CHRM3: variants seen among roughly 807,000 people sequenced by gnomAD.
CHRM3 encodes the protein cholinergic receptor muscarinic 3.
Under a neutral mutation model 41.8 loss-of-function variants are expected in CHRM3, and 11 were observed. That is an observed-to-expected ratio of 0.26 (90% CI 0.17 to 0.44). CHRM3 has a LOEUF of 0.44. Among genes scored for constraint, CHRM3 ranks in the 20% least tolerant of loss-of-function variants. CHRM3 has a pLI of 1.00. For missense variants in CHRM3, 571 were observed against 745.4 expected (o/e 0.77, Z 2.72); for synonymous variants, 297 against 301.4 (o/e 0.99, Z 0.15).
chr1:239,668,722 T>C (rs910876879), intron 4 of CHRM3, among the ~76,000 whole-genome samples: 2 of 152,216 alleles, frequency 1.3e-5, no homozygotes, highest in Non-Finnish European at 2.9e-5. Flanking sequence ...CCATACTGTG[T>C]TGGCTTCTGT....
At chr1:239,449,931 A>G (rs189002312) in intron 1 of CHRM3, among the ~76,000 whole-genome samples, 1 of 152,310 alleles carries the variant, frequency 6.6e-6, no homozygotes, top group East Asian at 1.9e-4. Flanking sequence ...CGGCTTTCAA[A>G]TTATGTTGTC....
intron 4 of CHRM3, among the ~76,000 whole-genome samples, chr1:239,653,654 C>T (rs943123773): frequency 2.0e-5 from 3 of 152,136 alleles, no homozygotes; most frequent in Non-Finnish European, 2.9e-5. Context: ...TTTACCTTAT[C>T]CAGTAGCAGA....
chr1:239,771,331 A>G (rs1667651227), intron 5 of CHRM3, among the ~76,000 whole-genome samples: 1 of 151,976 alleles, frequency 6.6e-6, no homozygotes, highest in Non-Finnish European at 1.5e-5. Context: ...GCCCTGGATT[A>G]TTGGAATAGC....
intron 5 of CHRM3, among the ~76,000 whole-genome samples, chr1:239,815,623 G>A (rs1671513846): frequency 6.6e-6 from 1 of 152,184 alleles, no homozygotes; most frequent in Non-Finnish European, 1.5e-5. Context: ...ATAGACTAAA[G>A]CATAAAGAAA....
intron 4 of CHRM3, among the ~76,000 whole-genome samples, chr1:239,663,642 A>G (rs138858072): frequency 2.0e-3 from 302 of 152,368 alleles, no homozygotes; most frequent in African/African-American, 6.7e-3. Flanking sequence ...AGTTAGGCTT[A>G]AATCTGAGAC....
At chr1:239,902,735 G>T (rs1230087515) in intron 6 of CHRM3, among the ~76,000 whole-genome samples, 1 of 152,020 alleles carries the variant, frequency 6.6e-6, no homozygotes. Flanking sequence ...GAAACCCAAG[G>T]GTAGCATTAG....
At chr1:239,822,167 A>G (rs1171561003) in intron 5 of CHRM3, among the ~76,000 whole-genome samples, 2 of 152,242 alleles carry the variant, frequency 1.3e-5, no homozygotes, top group Non-Finnish European at 2.9e-5. Context: ...ATATTTCTGC[A>G]TAGAAATCTA....
rs140509097 is a variant in CHRM3 at position 239,750,365 on chromosome 1, T to A, written c.-147+72077T>A. On this transcript the variant is annotated intron_variant, in intron 5 of 6. Coordinates refer to ENST00000676153, the MANE Select transcript of CHRM3 (RefSeq NM_001375978.1). ...AATGAATGCTCTAGGCTGTCTCCAG[T>A]GATACATATTATTGTAATCAAATGT... is the stretch of plus-strand genomic sequence containing the variant. Among the ~76,000 whole-genome samples, 114 of 152,356 alleles carry A rather than the reference T, an allele frequency of 7.5e-4. 2 individuals carry two copies. Among genetic ancestry groups the A allele is most frequent in the African/African-American group, 2.5e-3 (106 of 41,584 alleles).
intron 4 of CHRM3, among the ~76,000 whole-genome samples, chr1:239,677,011 GCTAGATCTCTTTCTC>G (rs762039101): frequency 3.4e-4 from 51 of 152,196 alleles, no homozygotes; most frequent in South Asian, 6.2e-4. Flanking sequence ...GAGCATGACG[GCTAGATCTCTTTCTC>G]CTCCCTCCCC....
chr1:239,506,292 A>G (rs915945124), intron 2 of CHRM3, among the ~76,000 whole-genome samples: 4 of 152,146 alleles, frequency 2.6e-5, no homozygotes, highest in African/African-American at 7.2e-5. Flanking sequence ...GCCCAGAGAC[A>G]TAGGAGGAAA....
chr1:239,680,995 T>G (rs572623141), intron 5 of CHRM3, among the ~76,000 whole-genome samples: 73 of 152,040 alleles, frequency 4.8e-4, no homozygotes, highest in Non-Finnish European at 9.1e-4. Flanking sequence ...GAAAGGCACT[T>G]CTTACATGGC....
chr1:239,558,891 G>A (rs1484047813), intron 3 of CHRM3, among the ~76,000 whole-genome samples: 4 of 152,126 alleles, frequency 2.6e-5, no homozygotes, highest in Admixed American at 2.6e-4. Flanking sequence ...ACTGGTCTCT[G>A]AGCTCCTCTT....
chr1:239,640,961 T>A (rs1374476006), intron 4 of CHRM3, among the ~76,000 whole-genome samples: 1 of 151,220 alleles, frequency 6.6e-6, no homozygotes, highest in African/African-American at 2.4e-5. Flanking sequence ...TTCTGGTATG[T>A]TGTGTCTTTG....
At chr1:239,392,231 A>G (rs112549278) in intron 1 of CHRM3, among the ~76,000 whole-genome samples, 2,160 of 152,172 alleles carry the variant, frequency 0.014, 21 homozygotes, top group Non-Finnish European at 0.02. Flanking sequence ...ACAGTGCATC[A>G]TTTCCGCCTG....
intron 5 of CHRM3, among the ~76,000 whole-genome samples, chr1:239,790,896 A>G (rs2148859821): frequency 6.6e-6 from 1 of 152,270 alleles, no homozygotes; most frequent in South Asian, 2.1e-4. Flanking sequence ...ATAATGTAAA[A>G]CATGTATAAG....
intron 5 of CHRM3, among the ~76,000 whole-genome samples, chr1:239,786,030 A>C (rs1668867225): frequency 4.6e-5 from 7 of 152,182 alleles, no homozygotes. Flanking sequence ...TAATATTTTA[A>C]ACATATTATC....
At chr1:239,452,446 G>A (rs1664622885) in intron 1 of CHRM3, among the ~76,000 whole-genome samples, 1 of 152,178 alleles carries the variant, frequency 6.6e-6, no homozygotes, top group African/African-American at 2.4e-5. Context: ...CTTTAAAGGT[G>A]ATTGCCAGTT....
intron 1 of CHRM3, among the ~76,000 whole-genome samples, chr1:239,476,858 A>G (rs991014314): frequency 2.6e-5 from 4 of 152,212 alleles, no homozygotes; most frequent in Non-Finnish European, 5.9e-5. Flanking sequence ...TCCCATTGTT[A>G]GGTGACAAAA....
intron 1 of CHRM3, among the ~76,000 whole-genome samples, chr1:239,412,531 A>G (rs950048757): frequency 5.3e-5 from 8 of 150,426 alleles, no homozygotes; most frequent in Non-Finnish European, 1.2e-4. Flanking sequence ...TGGAGTAAGA[A>G]CAATTGTTCA....
Sources: gnomAD v4.1 joint callset for allele counts (sites outside exome capture counted in the v4.1 genomes callset) on GRCh38, gnomAD v4.1.1 for gene constraint, MANE v1.5 for transcripts, NCBI Gene and HGNC (gene_info 2026-07-23, HGNC 2026-07-21) for gene names.